The following VCL variants were observed in gnomAD, a reference collection of about 807,000 sequenced individuals.
VCL encodes vinculin.
Under a neutral mutation model 125.7 loss-of-function variants are expected in VCL, and 47 were observed. The observed-to-expected ratio is 0.37, with a 90% CI of 0.30 to 0.48. The LOEUF (loss-of-function observed/expected upper bound fraction) is 0.48. Among genes scored for constraint, VCL ranks in the 20% least tolerant of loss-of-function variants. The probability of loss-of-function intolerance (pLI) is 0.99; values close to 1 mark genes in which losing one functional copy is unlikely to be tolerated. For missense variants in VCL, 1,069 were observed against 1,455.5 expected (o/e 0.73, Z 4.32); for synonymous variants, 458 against 514.6 (o/e 0.89, Z 1.49).
chr10:74,088,054 T>A (rs967330370), intron 8 of VCL, among the ~76,000 whole-genome samples: 1 of 152,162 alleles, frequency 6.6e-6, no homozygotes, highest in Non-Finnish European at 1.5e-5. Context: ...AGATCAATAC[T>A]ATTATGAAGG....
In VCL at chr10:74,118,521, CCT is replaced by C. The variant is rs144115212; in HGVS notation, c.*355_*356del. On this transcript the variant is annotated 3_prime_UTR_variant, in exon 22 of 22. Coordinates refer to ENST00000211998, the MANE Select transcript of VCL (RefSeq NM_014000.3). ...GCCCTTGTTCCCTAGGGGACACTTC[CCT>C]CTGTTTCTCTTTCCTTGGCTCCCAT... is the stretch of plus-strand genomic sequence containing the variant. The C allele has an allele frequency of 5.5e-3, 1,782 of 321,150 alleles. 9 individuals are homozygous for C. Among genetic ancestry groups the C allele is most frequent in the Non-Finnish European group, 9.0e-3 (1,480 of 164,478 alleles). The allele number at this position is 321,150 out of a possible 1,614,324, so 19.9% of individuals were successfully genotyped here.
chr10:74,108,659 T>C (rs1047842059), intron 17 of VCL, among the ~76,000 whole-genome samples: 3 of 152,110 alleles, frequency 2.0e-5, no homozygotes, highest in African/African-American at 7.2e-5. Flanking sequence ...TTTGTGTTTT[T>C]AGTAGAGATG....
intron 10 of VCL, among the ~76,000 whole-genome samples, chr10:74,093,631 G>A (rs971344198): frequency 3.4e-5 from 5 of 149,070 alleles, no homozygotes; most frequent in Admixed American, 6.6e-5. Flanking sequence ...CTATCTCCAC[G>A]AAATATTTTT....
At chr10:74,031,356 C>G (rs1840870489) in intron 1 of VCL, among the ~76,000 whole-genome samples, 1 of 152,092 alleles carries the variant, frequency 6.6e-6, no homozygotes, top group Admixed American at 6.6e-5. Flanking sequence ...CAGAAGAAAT[C>G]TATTTCCTGC....
At chr10:74,088,010 A>G (rs1226978974) in intron 8 of VCL, among the ~76,000 whole-genome samples, 3 of 151,970 alleles carry the variant, frequency 2.0e-5, no homozygotes, top group Non-Finnish European at 4.4e-5. Context: ...CAAAAAAAAT[A>G]AAAAAACCCA....
intron 9 of VCL, among the ~76,000 whole-genome samples, chr10:74,089,737 A>C (rs1187131466): frequency 6.6e-6 from 1 of 152,206 alleles, no homozygotes; most frequent in Non-Finnish European, 1.5e-5. Context: ...GCATTTCACA[A>C]ACACACATGT....
At chr10:74,011,212 T>G (rs1840429809) in intron 1 of VCL, among the ~76,000 whole-genome samples, 1 of 146,570 alleles carries the variant, frequency 6.8e-6, no homozygotes, top group South Asian at 2.2e-4. Context: ...CAAATAACCA[T>G]TGATTAAATT....
intron 1 of VCL, among the ~76,000 whole-genome samples, chr10:74,000,944 A>G (rs12357316): frequency 0.36 from 55,118 of 152,172 alleles, 12,667 homozygotes; most frequent in Non-Finnish European, 0.52. Flanking sequence ...GCTGATAAAT[A>G]GTTAATCATG....
At chr10:74,017,630 A>G (rs182108220) in intron 1 of VCL, among the ~76,000 whole-genome samples, 1 of 149,686 alleles carries the variant, frequency 6.7e-6, no homozygotes, top group African/African-American at 2.5e-5. Flanking sequence ...TCAGCTCACT[A>G]CAACCTCAAC....
intron 10 of VCL, among the ~76,000 whole-genome samples, chr10:74,093,099 C>T (rs1839913322): frequency 6.6e-6 from 1 of 152,146 alleles, no homozygotes; most frequent in African/African-American, 2.4e-5. Context: ...GAGTTCGAGA[C>T]CAGCCCGGTC....
intron 13 of VCL, among the ~76,000 whole-genome samples, chr10:74,098,996 C>T (rs1282975478): frequency 6.6e-6 from 1 of 152,194 alleles, no homozygotes; most frequent in African/African-American, 2.4e-5. Flanking sequence ...CTAAGGCACA[C>T]TCATTTAATC....
chr10:74,029,705 C>T (rs1442132465), intron 1 of VCL, among the ~76,000 whole-genome samples: 2 of 152,144 alleles, frequency 1.3e-5, no homozygotes, highest in African/African-American at 2.4e-5. Flanking sequence ...CATTGATGCA[C>T]ATTTAAATTA....
At chr10:74,090,990 G>A (rs560558291) in intron 10 of VCL, among the ~76,000 whole-genome samples, 3 of 151,858 alleles carry the variant, frequency 2.0e-5, no homozygotes, top group Admixed American at 6.6e-5. Flanking sequence ...TTGTAGAGAC[G>A]GGGTGTTGCT....
At chr10:74,095,615 C>T (rs764357037) in intron 11 of VCL, 41 bp from the exon 12 acceptor site, 12 of 1,612,162 alleles carry the variant, frequency 7.4e-6, no homozygotes, top group Non-Finnish European at 1.0e-5. Flanking sequence ...CAATTGTCTC[C>T]TCTGGGTCTT....
intron 2 of VCL, among the ~76,000 whole-genome samples, chr10:74,057,813 G>A (rs912992071): frequency 2.6e-5 from 4 of 152,038 alleles, no homozygotes; most frequent in African/African-American, 9.7e-5. Context: ...TGCACCTGTA[G>A]TCCCAGTTAC....
At chr10:74,041,153 T>C (rs1007815056) in intron 1 of VCL, among the ~76,000 whole-genome samples, 5 of 143,662 alleles carry the variant, frequency 3.5e-5, no homozygotes, top group Admixed American at 7.3e-5. Context: ...CCAGCCAGGA[T>C]TTTTCTTACT....
intron 1 of VCL, among the ~76,000 whole-genome samples, chr10:74,030,645 A>C (rs1840858088): frequency 1.3e-5 from 2 of 152,228 alleles, no homozygotes; most frequent in Admixed American, 6.5e-5. Context: ...GAGTGTGGAC[A>C]TGGTACAAAT....
intron 6 of VCL, chr10:74,076,103 C>T (rs761572823): frequency 6.6e-6 from 1 of 152,464 alleles, no homozygotes; most frequent in Non-Finnish European, 1.5e-5. Flanking sequence ...CTTTTTCTCA[C>T]GTTTAGAAGG....
chr10:74,107,778 C>CT lies in VCL; in HGVS notation c.2559+432dup, dbSNP rs1200451880. On this transcript the variant is annotated intron_variant, in intron 17 of 21. Transcript: ENST00000211998. The stretch of plus-strand genomic sequence containing the variant: ...TGTGTTGGTTCTTTCCTTTATTTGA[C>CT]TTTTTTTTAAGTAACAAGATACATG... Among the ~76,000 whole-genome samples, 24 of 151,956 alleles carry CT rather than the reference C, an allele frequency of 1.6e-4. 1 individual carries two copies. In the East Asian group the frequency reaches 4.2e-3, roughly 27 times the overall value.
Sources: allele counts gnomAD v4.1 joint callset (sites outside exome capture counted in the v4.1 genomes callset), GRCh38; gene constraint gnomAD v4.1.1; transcripts MANE v1.5; gene names NCBI Gene and HGNC (gene_info 2026-07-23, HGNC 2026-07-21).